Variants in OXR1 observed in about 807,000 individuals in gnomAD.
OXR1 encodes oxidation resistance protein 1.
A neutral mutation model predicts 104.6 loss-of-function variants in OXR1; 41 were observed. The observed-to-expected ratio is 0.39, with a 90% CI of 0.31 to 0.51. The LOEUF (loss-of-function observed/expected upper bound fraction) is 0.51. OXR1 is among the 20% of genes least tolerant of loss of function. The pLI, the probability that OXR1 is intolerant of heterozygous loss-of-function variation, is 0.77. For missense variants in OXR1, 955 were observed against 1,031.9 expected (o/e 0.93, Z 1.02); for synonymous variants, 348 against 348.4 (o/e 1.00, Z 0.01).
chr8:106,575,549 C>A (rs982196379), intron 3 of OXR1, among the ~76,000 whole-genome samples: 1 of 151,874 alleles, frequency 6.6e-6, no homozygotes, highest in African/African-American at 2.4e-5. Context: ...TGTTTTAATG[C>A]AAATATGAAC....
chr8:106,692,698 T>G (rs771715401), intron 6 of OXR1, 30 bp from the exon 7 acceptor site: 2 of 1,400,958 alleles, frequency 1.4e-6, no homozygotes, highest in East Asian at 2.4e-5. Context: ...TTCTGCTTTT[T>G]TTTTTCTTTC....
intron 2 of OXR1, among the ~76,000 whole-genome samples, chr8:106,513,223 C>T (rs564103262): frequency 6.6e-6 from 1 of 152,184 alleles, no homozygotes; most frequent in African/African-American, 2.4e-5. Flanking sequence ...CATTATCAAC[C>T]TACCAGGCCT....
At chr8:106,397,099 A>G (rs1331298756) in intron 2 of OXR1, among the ~76,000 whole-genome samples, 1 of 152,094 alleles carries the variant, frequency 6.6e-6, no homozygotes. Flanking sequence ...TTGTCCAAAA[A>G]CTTGGTGATA....
chr8:106,739,691 A>AT, intron 13 of OXR1, 108 bp downstream of exon 13: 1 of 987,822 alleles, frequency 1.0e-6, no homozygotes, highest in South Asian at 1.7e-5. Flanking sequence ...TGCTATTACT[A>AT]TTCCACTCCA....
At chr8:106,554,613 T>C (rs1322039826) in intron 3 of OXR1, among the ~76,000 whole-genome samples, 1 of 152,204 alleles carries the variant, frequency 6.6e-6, no homozygotes, top group Admixed American at 6.5e-5. Flanking sequence ...TTAATGCCAT[T>C]ATTGCAACTT....
intron 3 of OXR1, among the ~76,000 whole-genome samples, chr8:106,538,900 A>G (rs763863946): frequency 1.3e-5 from 2 of 152,214 alleles, no homozygotes; most frequent in Non-Finnish European, 2.9e-5. Flanking sequence ...TCATTTAATA[A>G]TCTTAAAAAC....
chr8:106,341,605 T>G (rs2130269024), intron 1 of OXR1, among the ~76,000 whole-genome samples: 1 of 152,288 alleles, frequency 6.6e-6, no homozygotes, highest in South Asian at 2.1e-4. Context: ...CACCATCTGC[T>G]ACTGCTTCCC....
intron 2 of OXR1, among the ~76,000 whole-genome samples, chr8:106,361,143 C>G (rs116350499): frequency 0.011 from 1,645 of 152,252 alleles, 30 homozygotes; most frequent in African/African-American, 0.037. Context: ...AATTGTCCAG[C>G]ACAGCACCTA....
At chr8:106,302,349 G>A (rs1043778812) in intron 1 of OXR1, among the ~76,000 whole-genome samples, 2 of 152,104 alleles carry the variant, frequency 1.3e-5, no homozygotes, top group Non-Finnish European at 2.9e-5. Context: ...TTGGGAGGCC[G>A]AGGCGGGTGG....
chr8:106,665,762 A>G (rs1009871995), intron 3 of OXR1, among the ~76,000 whole-genome samples: 1 of 152,228 alleles, frequency 6.6e-6, no homozygotes, highest in African/African-American at 2.4e-5. Context: ...TGATACTAGT[A>G]CAAAAAGGAA....
chr8:106,538,422 C>T (rs1172109347), intron 3 of OXR1, among the ~76,000 whole-genome samples: 2 of 152,240 alleles, frequency 1.3e-5, no homozygotes, highest in Middle Eastern at 3.4e-3. Context: ...AAAACATGTT[C>T]GATTTCTTGT....
intron 1 of OXR1, among the ~76,000 whole-genome samples, chr8:106,310,752 A>G (rs764466373): frequency 1.3e-5 from 2 of 152,288 alleles, no homozygotes; most frequent in South Asian, 4.2e-4. Flanking sequence ...CTAGCACTCA[A>G]TTATTGAGAG....
At chr8:106,598,429 T>G (rs1056564862) in intron 3 of OXR1, among the ~76,000 whole-genome samples, 2 of 152,182 alleles carry the variant, frequency 1.3e-5, no homozygotes, top group African/African-American at 4.8e-5. Context: ...TCTGTGGGCC[T>G]CTCTAAAACT....
chr8:106,295,953 G>A (rs2130065268), intron 1 of OXR1, among the ~76,000 whole-genome samples: 1 of 152,072 alleles, frequency 6.6e-6, no homozygotes, highest in East Asian at 1.9e-4. Context: ...AGATCTCAGA[G>A]CCTGGAAAGT....
In OXR1 at chr8:106,477,012, G is replaced by C. The variant is rs115022749; in HGVS notation, c.24-41931G>C. Among the ~76,000 whole-genome samples the C allele has an allele frequency of 8.5e-4, 129 of 152,024 alleles. 3 individuals carry two copies. The South Asian group carries it at 0.015, about 17-fold the overall frequency. ...AATTTTCTTTTCTCTTTTCACAATG[G>C]TCCCTATGCTGGATTCACTTATCCT... On this transcript the variant is annotated intron_variant, in intron 2 of 16. Transcript: ENST00000517566.
intron 16 of OXR1, among the ~76,000 whole-genome samples, chr8:106,746,784 A>T (rs1835429820): frequency 1.3e-5 from 2 of 152,034 alleles, no homozygotes; most frequent in South Asian, 4.1e-4. Context: ...TGGTCCAATT[A>T]TACCTTTTGG....
At chr8:106,697,703 C>T in intron 7 of OXR1, 2 of 1,614,084 alleles carry the variant, frequency 1.2e-6, no homozygotes, top group Admixed American at 1.7e-5. Context: ...GTGTTAATGC[C>T]ATAGCGCTCA....
At chr8:106,661,114 G>A (rs1165421844) in intron 3 of OXR1, among the ~76,000 whole-genome samples, 1 of 152,190 alleles carries the variant, frequency 6.6e-6, no homozygotes, top group Admixed American at 6.5e-5. Flanking sequence ...GGAGGTGGAA[G>A]TTGCCATGAG....
intron 2 of OXR1, among the ~76,000 whole-genome samples, chr8:106,429,982 A>G (rs906342585): frequency 6.6e-6 from 1 of 152,158 alleles, no homozygotes; most frequent in African/African-American, 2.4e-5. Flanking sequence ...ATACAGGCTG[A>G]TGTTCCCTTA....
Sources: gnomAD v4.1 joint callset for allele counts (sites outside exome capture counted in the v4.1 genomes callset) on GRCh38, gnomAD v4.1.1 for gene constraint, MANE v1.5 for transcripts, NCBI Gene and HGNC (gene_info 2026-07-23, HGNC 2026-07-21) for gene names.